Variants in TBCD observed in about 807,000 individuals in gnomAD.
TBCD encodes the protein tubulin folding cofactor D.
TBCD carries 105 observed loss-of-function variants against 169.3 expected under a neutral mutation model. The ratio of observed to expected loss-of-function variants is 0.62; its 90% CI spans 0.53 to 0.73. TBCD has a LOEUF of 0.73. Ranked by LOEUF, TBCD falls within the 30% of genes least tolerant of loss-of-function variation. The pLI, the probability that TBCD is intolerant of heterozygous loss-of-function variation, is 0.00. For missense variants in TBCD, 1,444 were observed against 1,600.1 expected, an observed-to-expected ratio of 0.90 and a Z score of 1.66; for synonymous variants, 700 against 643.9, an observed-to-expected ratio of 1.09 and a Z score of -1.32.
At chr17:82,820,998 C>T (rs1035799524) in intron 13 of TBCD, among the ~76,000 whole-genome samples, 3 of 152,164 alleles carry the variant, frequency 2.0e-5, no homozygotes, top group East Asian at 3.8e-4. Context: ...CTCTGTCGCC[C>T]AGGCTGGAGT....
At chr17:82,911,698 T>C (rs2060654569) in intron 22 of TBCD, 60 bp from the exon 23 acceptor site, 2 of 1,541,274 alleles carry the variant, frequency 1.3e-6, no homozygotes, top group Non-Finnish European at 1.8e-6. Context: ...GCAAGCATAT[T>C]TCATGGTGTT....
chr17:82,814,110 G>A (rs977348095), intron 12 of TBCD, among the ~76,000 whole-genome samples: 1 of 152,170 alleles, frequency 6.6e-6, no homozygotes, highest in Non-Finnish European at 1.5e-5. Flanking sequence ...CATTGCAATT[G>A]TTCATTAAAA....
intron 13 of TBCD, among the ~76,000 whole-genome samples, chr17:82,848,549 A>G (rs886082098): frequency 6.6e-6 from 1 of 152,164 alleles, no homozygotes; most frequent in Non-Finnish European, 1.5e-5. Flanking sequence ...AGAGCAACTC[A>G]TGTGGCCGCC....
intron 13 of TBCD, among the ~76,000 whole-genome samples, chr17:82,845,555 C>T (rs2054965354): frequency 6.6e-6 from 1 of 150,534 alleles, no homozygotes; most frequent in African/African-American, 2.4e-5. Context: ...TTGTGTGGCC[C>T]AGCCCCTTCC....
At chr17:82,765,501 GC>G (rs2047973654) in intron 3 of TBCD, among the ~76,000 whole-genome samples, 1 of 152,218 alleles carries the variant, frequency 6.6e-6, no homozygotes, top group Non-Finnish European at 1.5e-5. Flanking sequence ...AGTACTCACA[GC>G]CGTCTCAGGG....
At chr17:82,916,669 A>G (rs1208870903) in intron 23 of TBCD, among the ~76,000 whole-genome samples, 2 of 152,122 alleles carry the variant, frequency 1.3e-5, no homozygotes, top group African/African-American at 4.8e-5. Context: ...TTATTACTGT[A>G]TTGGAGACAA....
intron 8 of TBCD, among the ~76,000 whole-genome samples, chr17:82,799,432 ACT>A (rs1279622969): frequency 9.5e-5 from 9 of 94,942 alleles, no homozygotes; most frequent in African/African-American, 2.7e-4. Context: ...ACAGAGCAAG[ACT>A]CTGTCTCAAA....
intron 34 of TBCD, chr17:82,932,971 GC>G (rs2062327669): frequency 1.9e-6 from 1 of 529,218 alleles, no homozygotes; most frequent in South Asian, 2.1e-5. Context: ...CCCATCTGGG[GC>G]TGAGGCGGGG....
intron 8 of TBCD, among the ~76,000 whole-genome samples, chr17:82,799,601 T>A (rs2050354696): frequency 6.6e-6 from 1 of 152,248 alleles, no homozygotes; most frequent in Admixed American, 6.5e-5. Flanking sequence ...AGTTTTCGTG[T>A]GCAGCCTGTT....
At chr17:82,928,509 G>C (rs1230061440) in intron 30 of TBCD, among the ~76,000 whole-genome samples, 2 of 151,726 alleles carry the variant, frequency 1.3e-5, no homozygotes. Context: ...AGTCATGGAG[G>C]TCCAGGCCCT....
chr17:82,784,632 TGAA>T (rs2049173609), intron 7 of TBCD, among the ~76,000 whole-genome samples: 1 of 152,152 alleles, frequency 6.6e-6, no homozygotes, highest in Admixed American at 6.5e-5. Context: ...TGAGGAAACA[TGAA>T]GAAGGGGTAG....
rs751423345 is a variant in TBCD at position 82,930,580 on chromosome 17, A to G, written c.3050A>G (p.Gln1017Arg). The change falls in exon 33 of 39, where the codon CAG (glutamine) becomes CGG (arginine). Residue 1017 changes from glutamine to arginine, a missense_variant. Coordinates refer to ENST00000355528, the MANE Select transcript of TBCD (RefSeq NM_005993.5). The surrounding 1 kb of genome is among the most constrained non-coding windows in gnomAD (Gnocchi z 5.2). ...ATGAAGGGCATTCAGAGCGACCCGC[A>G]GGCCCTGGGCAGCTTCAGCGGGACC... ...EYMKGIQSDP[Q>R]ALGSFSGTLL... The G allele has an allele frequency of 5.6e-6, 9 of 1,613,858 alleles. No homozygotes were observed. The Admixed American group carries it at 1.0e-4, about 18-fold the overall frequency.
At chr17:82,793,763 A>G (rs912070588) in intron 7 of TBCD, among the ~76,000 whole-genome samples, 4 of 152,180 alleles carry the variant, frequency 2.6e-5, no homozygotes, top group Non-Finnish European at 5.9e-5. Flanking sequence ...GGCATGCCCA[A>G]GAGTGGCTTT....
Position 82,944,417 on chromosome 17 carries a change from G to C in TBCD, c.*1954G>C, listed in dbSNP as rs1239625197. ...CAAGGAACCCCTTGCTCACATGATA[G>C]CTGGGGCAGACAATAGCAAATGAAC... On this transcript the variant is annotated 3_prime_UTR_variant, in exon 39 of 39. Coordinates refer to ENST00000355528, the MANE Select transcript of TBCD (RefSeq NM_005993.5). 2 of 152,236 alleles carry C rather than the reference G, an allele frequency of 1.3e-5. No homozygotes were observed. The highest frequency in any genetic ancestry group is 4.8e-5 in the African/African-American group (2 of 41,444). The allele number at this position is 152,236 out of a possible 1,614,324, so 9.4% of individuals were successfully genotyped here.
At chr17:82,842,780 CTT>C (rs375870095) in intron 13 of TBCD, among the ~76,000 whole-genome samples, 17 of 129,854 alleles carry the variant, frequency 1.3e-4, no homozygotes, top group Non-Finnish European at 2.0e-4. Context: ...TTCTTTCTTT[CTT>C]TTTTTTTTTT....
chr17:82,847,308 A>G (rs1208734646), intron 13 of TBCD, among the ~76,000 whole-genome samples: 2 of 148,038 alleles, frequency 1.4e-5, no homozygotes, highest in African/African-American at 2.5e-5. Context: ...AGCCGAGATC[A>G]TGCCACTGTA....
chr17:82,767,940 C>G (rs199645625), intron 4 of TBCD, among the ~76,000 whole-genome samples: 4 of 149,880 alleles, frequency 2.7e-5, no homozygotes, highest in African/African-American at 4.9e-5. Context: ...GGCAACAGAG[C>G]GAGACTCCAT....
intron 12 of TBCD, 142 bp from the exon 13 acceptor site, chr17:82,814,698 T>TA: frequency 1.3e-6 from 1 of 768,472 alleles, no homozygotes; most frequent in East Asian, 2.7e-5. Flanking sequence ...TTTAAAAACT[T>TA]AGGAATGGGT....
rs1347344403 is a variant in TBCD at position 82,848,298 on chromosome 17, C to T, written c.1319-21926C>T. Among the ~76,000 whole-genome samples, 3 of 152,324 alleles carry T rather than the reference C, an allele frequency of 2.0e-5. No individual in the cohort carries two copies. In the East Asian group the frequency reaches 5.8e-4, roughly 29 times the overall value. ...TTTCTGTTTAAACAGCGTCCTGTCG[C>T]TCCCTCCTCTCCTGTGCGGATTGGC... On this transcript the variant is annotated intron_variant, in intron 13 of 38. Transcript: ENST00000355528.
Sources: gnomAD v4.1 joint callset for allele counts (sites outside exome capture counted in the v4.1 genomes callset) on GRCh38, gnomAD v4.1.1 for gene constraint, Gnocchi (gnomAD v3.1) non-coding constraint, MANE v1.5 for transcripts, NCBI Gene and HGNC (gene_info 2026-07-23, HGNC 2026-07-21) for gene names.